The following ITSN2 variants were observed in gnomAD, a reference collection of about 807,000 sequenced individuals.
ITSN2 encodes intersectin 2, also known as intersectin-2.
Under a neutral mutation model 243.7 loss-of-function variants are expected in ITSN2, and 156 were observed. That is an observed-to-expected ratio of 0.64 (90% CI 0.56 to 0.73). The LOEUF (loss-of-function observed/expected upper bound fraction) is 0.73. ITSN2 is among the 30% of genes least tolerant of loss of function. The pLI, the probability that ITSN2 is intolerant of heterozygous loss-of-function variation, is 0.00. For synonymous variants in ITSN2, 703 were observed against 699.9 expected (o/e 1.00, Z -0.07); for missense variants, 1,801 against 1,996.1 (o/e 0.90, Z 1.86).
intron 15 of ITSN2, among the ~76,000 whole-genome samples, chr2:24,289,209 A>C (rs906479559): frequency 3.3e-5 from 5 of 152,212 alleles, no homozygotes; most frequent in Non-Finnish European, 5.9e-5. Context: ...TGGGTAGTAC[A>C]GATAATTTTT....
At chr2:24,310,753 A>G (rs1683164687) in intron 5 of ITSN2, 61 bp from the exon 6 acceptor site, 2 of 1,418,968 alleles carry the variant, frequency 1.4e-6, no homozygotes. Flanking sequence ...ACACATGCAA[A>G]AAACAAGTTT....
intron 1 of ITSN2, among the ~76,000 whole-genome samples, chr2:24,332,957 C>T (rs1486936910): frequency 3.9e-5 from 6 of 152,188 alleles, no homozygotes; most frequent in Non-Finnish European, 8.8e-5. Context: ...GCTTCAGACA[C>T]TGACAAGCTT....
intron 17 of ITSN2, among the ~76,000 whole-genome samples, chr2:24,280,378 G>A (rs368091270): frequency 6.6e-6 from 1 of 151,928 alleles, no homozygotes; most frequent in African/African-American, 2.4e-5. Context: ...CTTATCACCT[G>A]AATTCTTATC....
At chr2:24,245,052 A>G (rs1426569295) in intron 29 of ITSN2, among the ~76,000 whole-genome samples, 1 of 152,246 alleles carries the variant, frequency 6.6e-6, no homozygotes, top group Non-Finnish European at 1.5e-5. Flanking sequence ...TATTTTAAAA[A>G]TAAAACTAAA....
intron 23 of ITSN2, among the ~76,000 whole-genome samples, chr2:24,257,382 T>A (rs1178737915): frequency 6.6e-6 from 1 of 151,906 alleles, no homozygotes; most frequent in Non-Finnish European, 1.5e-5. Flanking sequence ...AAATCTGAAA[T>A]AACTAGAATG....
chr2:24,312,478 C>G, intron 4 of ITSN2, 103 bp from the exon 5 acceptor site: 1 of 676,064 alleles, frequency 1.5e-6, no homozygotes, highest in Admixed American at 2.9e-5. Flanking sequence ...ATGGCATTCA[C>G]GTGTACATCA....
chr2:24,265,421 C>G (rs1676544159), intron 20 of ITSN2, among the ~76,000 whole-genome samples: 1 of 152,150 alleles, frequency 6.6e-6, no homozygotes, highest in Admixed American at 6.5e-5. Context: ...AGAACTACAA[C>G]TGATTTTGTT....
chr2:24,314,194 C>T (rs1230587547), intron 3 of ITSN2, among the ~76,000 whole-genome samples: 1 of 152,188 alleles, frequency 6.6e-6, no homozygotes, highest in Non-Finnish European at 1.5e-5. Flanking sequence ...AAGATAGATG[C>T]CAATGCTCAT....
chr2:24,289,967 T>C (rs1680037956), intron 15 of ITSN2, among the ~76,000 whole-genome samples: 1 of 152,194 alleles, frequency 6.6e-6, no homozygotes, highest in Non-Finnish European at 1.5e-5. Flanking sequence ...TAAATGGCCT[T>C]TATTATGTTG....
At chr2:24,343,590 G>A (rs888917135) in intron 1 of ITSN2, among the ~76,000 whole-genome samples, 4 of 152,172 alleles carry the variant, frequency 2.6e-5, no homozygotes, top group African/African-American at 4.8e-5. Flanking sequence ...TGCTTCCAAA[G>A]ATAAATTCTA....
intron 15 of ITSN2, among the ~76,000 whole-genome samples, chr2:24,288,362 T>C (rs902702191): frequency 6.6e-6 from 1 of 152,106 alleles, no homozygotes; most frequent in African/African-American, 2.4e-5. Flanking sequence ...CTATTCTATT[T>C]CATAAGTCTG....
rs186704016 is a variant in ITSN2, at chr2:24,227,747, G to A, written c.3578-6681C>T. ...ACCAGCCTGGCCAACAGGGTGAACCGTCTCTACTAAAAATACAAAAAATTA... is the reference window on the plus strand; with the variant it reads ...ACCAGCCTGGCCAACAGGGTGAACCATCTCTACTAAAAATACAAAAAATTA... On this transcript the variant is annotated intron_variant, in intron 29 of 39. Transcript: ENST00000355123. Among the ~76,000 whole-genome samples, 52 of 152,164 alleles carry A rather than the reference G, an allele frequency of 3.4e-4. 1 individual carries two copies. The East Asian group carries it at 7.3e-3, about 21-fold the overall frequency.
chr2:24,261,330 A>G, intron 21 of ITSN2, 80 bp from the exon 22 acceptor site: 1 of 1,071,578 alleles, frequency 9.3e-7, no homozygotes. Context: ...CAACTTACAT[A>G]TTATATACAC....
intron 36 of ITSN2, 98 bp downstream of exon 36, chr2:24,209,002 G>A: frequency 7.3e-7 from 1 of 1,376,174 alleles, no homozygotes; most frequent in South Asian, 1.2e-5. Context: ...TACAGAATTA[G>A]TGGGGCTTAA....
At chr2:24,359,980 C>G (rs771752330) in intron 1 of ITSN2, among the ~76,000 whole-genome samples, 2 of 152,222 alleles carry the variant, frequency 1.3e-5, no homozygotes, top group Non-Finnish European at 2.9e-5. Flanking sequence ...ACCCCCGACC[C>G]TCGCCGGCGT....
intron 17 of ITSN2, among the ~76,000 whole-genome samples, chr2:24,278,302 C>T (rs1678282520): frequency 6.6e-6 from 1 of 152,192 alleles, no homozygotes; most frequent in African/African-American, 2.4e-5. Context: ...TCTCTTCCAA[C>T]TATATGATTG....
At chr2:24,219,895 A>G (rs971613935) in intron 30 of ITSN2, among the ~76,000 whole-genome samples, 1 of 152,136 alleles carries the variant, frequency 6.6e-6, no homozygotes, top group African/African-American at 2.4e-5. Flanking sequence ...CACCCAATTC[A>G]CTGACTACTT....
At chr2:24,330,267 C>G (rs1200902693) in intron 1 of ITSN2, 1 of 362,508 alleles carries the variant, frequency 2.8e-6, no homozygotes, top group Non-Finnish European at 5.3e-6. Context: ...ATCACGTATT[C>G]TGTGAATACA....
At chr2:24,281,024 GGTTT>G (rs1278530994) in intron 17 of ITSN2, among the ~76,000 whole-genome samples, 3 of 152,114 alleles carry the variant, frequency 2.0e-5, no homozygotes, top group East Asian at 1.9e-4. Flanking sequence ...ATATCAATAG[GGTTT>G]GTTTGTTTGT....
Sources: allele counts gnomAD v4.1 joint callset (sites outside exome capture counted in the v4.1 genomes callset), GRCh38; gene constraint gnomAD v4.1.1; transcripts MANE v1.5; gene names NCBI Gene and HGNC (gene_info 2026-07-23, HGNC 2026-07-21).